The following RB1 variants were observed in gnomAD, a reference collection of about 807,000 sequenced individuals.
The protein encoded by RB1 is retinoblastoma-associated protein.
RB1 carries 18 observed loss-of-function variants against 135.4 expected under a neutral mutation model. The observed-to-expected ratio is 0.13, with a 90% confidence interval of 0.09 to 0.20. The LOEUF (loss-of-function observed/expected upper bound fraction) is 0.20, where lower values mean the gene tolerates loss of function less well. Among genes scored for constraint, RB1 ranks in the 10% least tolerant of loss-of-function variants. The probability of loss-of-function intolerance (pLI) is 1.00; values close to 1 mark genes in which losing one functional copy is unlikely to be tolerated. For synonymous variants in RB1, 365 were observed against 373.2 expected, an observed-to-expected ratio of 0.98 and a Z score of 0.25; for missense variants, 868 against 1,110.0, an observed-to-expected ratio of 0.78 and a Z score of 3.10.
intron 2 of RB1, chr13:48,317,583 C>T: frequency 4.6e-6 from 2 of 432,926 alleles, no homozygotes; most frequent in Non-Finnish European, 8.1e-6. Flanking sequence ...TGGCAGCATG[C>T]TCGGCCCCTC....
chr13:48,360,095 T>C lies in RB1; in HGVS notation c.686T>C (p.Leu229Pro). Residue 229 changes from leucine to proline, a missense_variant, in exon 7 of 27, where the codon CTC becomes CCC. By Grantham distance (98) the Leu-to-Pro change is moderately conservative. Coordinates refer to ENST00000267163, the MANE Select transcript of RB1 (RefSeq NM_000321.3). ...TGTGTCCTTGACTATTTTATTAAAC[T>C]CTCACCTCCCATGTTGCTCAAAGAA... is the stretch of plus-strand genomic sequence containing the variant. ...MLCVLDYFIK[L>P]SPPMLLKEPY... The C allele has an allele frequency of 6.2e-7, 1 of 1,612,786 alleles. No individual in the cohort carries two copies. Among genetic ancestry groups the C allele is most frequent in the Non-Finnish European group, 8.5e-7 (1 of 1,179,268 alleles).
At chr13:48,383,398 T>G (rs2138148514) in intron 17 of RB1, among the ~76,000 whole-genome samples, 1 of 152,244 alleles carries the variant, frequency 6.6e-6, no homozygotes, top group Non-Finnish European at 1.5e-5. Context: ...TTGTGAATCA[T>G]CAGTTTTGTA....
intron 25 of RB1, among the ~76,000 whole-genome samples, chr13:48,477,050 A>C (rs1322217612): frequency 1.3e-5 from 2 of 152,248 alleles, no homozygotes; most frequent in Non-Finnish European, 2.9e-5. Context: ...GAAGATATCT[A>C]ATAAACCCTG....
At chr13:48,432,889 A>T (rs764719058) in intron 17 of RB1, among the ~76,000 whole-genome samples, 6 of 152,154 alleles carry the variant, frequency 3.9e-5, no homozygotes, top group Middle Eastern at 3.2e-3. Context: ...TACAACTCTA[A>T]TAAATCTGCT....
In RB1 at chr13:48,461,205, A is replaced by G. The variant is rs183315698; in HGVS notation, c.2106+1372A>G. ...CCTCAGCCCAAGGCAATACTAATCT[A>G]TTTTCTCTCTATGGATTTGCCTCTT... is the stretch of plus-strand genomic sequence containing the variant. On this transcript the variant is annotated intron_variant, in intron 20 of 26. Transcript: ENST00000267163. 2.6e-5 allele frequency among the ~76,000 whole-genome samples: 4 copies of G among 151,442 alleles called. No homozygotes were observed. The East Asian group carries it at 5.8e-4, about 22-fold the overall frequency.
At chr13:48,456,173 A>C in intron 18 of RB1, 31 bp from the exon 19 acceptor site, 1 of 1,613,042 alleles carries the variant, frequency 6.2e-7, no homozygotes, top group Non-Finnish European at 8.5e-7. Context: ...AGCCAACTTG[A>C]AATGAAGACT....
rs150194261 is a variant in RB1 at position 48,480,645 on chromosome 13, T to C, written c.*574T>C. Reference sequence around the variant, plus strand: ...TTACACATTAGATTTTATTTTACTATTGGAATCTGATATACTGTGTGCTTG... The same window carrying C: ...TTACACATTAGATTTTATTTTACTACTGGAATCTGATATACTGTGTGCTTG... On this transcript the variant is annotated 3_prime_UTR_variant, in exon 27 of 27. Transcript: ENST00000267163. The C allele has an allele frequency of 1.3e-5, 3 of 225,926 alleles. No individual in the cohort carries two copies. The highest frequency in any genetic ancestry group is 2.6e-5 in the Non-Finnish European group (3 of 113,494). 14.0% of individuals were successfully genotyped at this position (225,926 alleles called of 1,614,324 possible).
intron 17 of RB1, among the ~76,000 whole-genome samples, chr13:48,435,089 G>A (rs1949170124): frequency 6.6e-6 from 1 of 152,178 alleles, no homozygotes; most frequent in African/African-American, 2.4e-5. Flanking sequence ...GAGTAAAATT[G>A]AAGAGTTGTA....
chr13:48,332,402 C>G (rs954007935), intron 2 of RB1, among the ~76,000 whole-genome samples: 1 of 152,156 alleles, frequency 6.6e-6, no homozygotes, highest in East Asian at 1.9e-4. Flanking sequence ...ACCCCCATCT[C>G]TACGAAAAAT....
At chr13:48,341,611 G>C (rs888209249) in intron 2 of RB1, among the ~76,000 whole-genome samples, 6 of 151,740 alleles carry the variant, frequency 4.0e-5, no homozygotes, top group African/African-American at 2.4e-5. Context: ...TATTCTAGTG[G>C]GTGTATAATT....
chr13:48,451,679 G>T (rs1490971011), intron 17 of RB1, among the ~76,000 whole-genome samples: 2 of 151,554 alleles, frequency 1.3e-5, no homozygotes, highest in Non-Finnish European at 2.9e-5. Flanking sequence ...TTTTAGAATA[G>T]TTTCAGTAGA....
chr13:48,321,414 C>A (rs1206834298), intron 2 of RB1, among the ~76,000 whole-genome samples: 3 of 149,460 alleles, frequency 2.0e-5, no homozygotes, highest in African/African-American at 4.9e-5. Context: ...GCTGCCACCG[C>A]CCCGCACCTT....
At chr13:48,370,790 C>T (rs1236692607) in intron 11 of RB1, among the ~76,000 whole-genome samples, 1 of 152,172 alleles carries the variant, frequency 6.6e-6, no homozygotes, top group Non-Finnish European at 1.5e-5. Context: ...TGATTATCAA[C>T]CTAACCTTCA....
intron 20 of RB1, among the ~76,000 whole-genome samples, chr13:48,460,384 AC>A (rs1949397446): frequency 6.6e-6 from 1 of 152,200 alleles, no homozygotes; most frequent in Non-Finnish European, 1.5e-5. Context: ...TGTAATTCTT[AC>A]AAATTAGAGC....
At chr13:48,403,067 T>C (rs953114550) in intron 17 of RB1, among the ~76,000 whole-genome samples, 2 of 152,132 alleles carry the variant, frequency 1.3e-5, no homozygotes, top group Admixed American at 1.3e-4. Context: ...GTAAAATTAG[T>C]TGGAAAATTA....
intron 17 of RB1, among the ~76,000 whole-genome samples, chr13:48,390,190 A>C (rs1011445186): frequency 1.3e-5 from 2 of 152,184 alleles, no homozygotes; most frequent in Non-Finnish European, 2.9e-5. Flanking sequence ...CAAACAAACA[A>C]AAAGTAACAG....
chr13:48,418,453 C>G (rs1300554390), intron 17 of RB1, among the ~76,000 whole-genome samples: 1 of 152,164 alleles, frequency 6.6e-6, no homozygotes, highest in Non-Finnish European at 1.5e-5. Flanking sequence ...ACCATTGACA[C>G]TATGAAGAAA....
At chr13:48,356,016 A>C (rs1952586776) in intron 6 of RB1, among the ~76,000 whole-genome samples, 1 of 152,058 alleles carries the variant, frequency 6.6e-6, no homozygotes, top group Admixed American at 6.6e-5. Flanking sequence ...GGGTGACTTT[A>C]GTCAATAATA....
At chr13:48,336,489 T>G (rs138250262) in intron 2 of RB1, among the ~76,000 whole-genome samples, 4,556 of 152,222 alleles carry the variant, frequency 0.03, 213 homozygotes, top group African/African-American at 0.1. Context: ...GTTTATAGTA[T>G]TCTCTGATGG....
Sources: allele counts gnomAD v4.1 joint callset (sites outside exome capture counted in the v4.1 genomes callset), GRCh38; gene constraint gnomAD v4.1.1; transcripts MANE v1.5; gene names NCBI Gene and HGNC (gene_info 2026-07-23, HGNC 2026-07-21).